The following PLIN3 variants were observed in gnomAD, a reference collection of about 807,000 sequenced individuals.
The protein encoded by PLIN3 is perilipin-3.
Under a neutral mutation model 35.9 loss-of-function variants are expected in PLIN3, and 30 were observed. That is an observed-to-expected ratio of 0.84 (90% CI 0.62 to 1.13). The LOEUF is 1.13. Ranked by LOEUF, PLIN3 falls within the 50% of genes most tolerant of loss-of-function variation. The pLI is 0.00. For synonymous variants in PLIN3, 261 were observed against 262.5 expected (o/e 0.99, Z 0.06); for missense variants, 603 against 596.9 (o/e 1.01, Z -0.11).
rs1362848042 is a variant in PLIN3, at chr19:4,865,884, T to G, written c.-18+1725A>C. Among the ~76,000 whole-genome samples, 3 of 140,160 alleles carry G rather than the reference T, an allele frequency of 2.1e-5. No homozygotes were observed. In the South Asian group the frequency reaches 7.0e-4, roughly 33 times the overall value. The allele number at this position is 140,160 out of a possible 152,430, so 92.0% of individuals were successfully genotyped here. ...GACCACAGGCGCCCGCCACCACGCC[T>G]GGCTAATTGTTTGTATTTTTAGTAG... On this transcript the variant is annotated intron_variant, in intron 1 of 7. Coordinates refer to ENST00000221957, the MANE Select transcript of PLIN3 (RefSeq NM_005817.5).
chr19:4,860,868 G>A (rs2030652151), intron 2 of PLIN3, among the ~76,000 whole-genome samples: 1 of 152,162 alleles, frequency 6.6e-6, no homozygotes, highest in Admixed American at 6.6e-5. Flanking sequence ...CTACTTGGGA[G>A]GCTGAGGCAG....
chr19:4,852,391 G>A (rs1241218478), intron 4 of PLIN3, 90 bp from the exon 5 acceptor site: 35 of 1,464,792 alleles, frequency 2.4e-5, no homozygotes, highest in African/African-American at 1.5e-4. Context: ...AGACCGAGGC[G>A]GGGAGCGCCA....
intron 1 of PLIN3, chr19:4,866,488 G>C (rs952254723): frequency 6.6e-6 from 1 of 152,190 alleles, no homozygotes; most frequent in Non-Finnish European, 1.5e-5. Context: ...GCTCAGATCC[G>C]TGCCCGGCAC....
At chr19:4,852,324 C>T in intron 4 of PLIN3, 23 bp from the exon 5 acceptor site, 1 of 1,593,896 alleles carries the variant, frequency 6.3e-7, no homozygotes, top group South Asian at 1.1e-5. Flanking sequence ...ACAGCATCAG[C>T]ATCTCTGCCT....
In PLIN3 at chr19:4,859,573, A is replaced by G; in HGVS notation, c.348+17T>C. Reference sequence around the variant, plus strand: ...GGTCCCTGTCTCGACAGAGCCCCTGAGGACGGACATCGTTACCTTCTCCGT... The same window carrying G: ...GGTCCCTGTCTCGACAGAGCCCCTGGGGACGGACATCGTTACCTTCTCCGT... On this transcript the variant is annotated intron_variant, in intron 4 of 7. Coordinates refer to ENST00000221957, the MANE Select transcript of PLIN3 (RefSeq NM_005817.5). 6.2e-7 allele frequency: 1 copy of G among 1,610,180 alleles called. No homozygotes were observed. Among genetic ancestry groups the G allele is most frequent in the Non-Finnish European group, 8.5e-7 (1 of 1,176,474 alleles).
Position 4,839,518 on chromosome 19 carries a change from G to T in PLIN3, c.979C>A (p.Leu327Ile). The stretch of plus-strand genomic sequence containing the variant: ...TGGGCAATGTCCCGGAACATGGTGA[G>T]CGCCCGGGACTCGACCTGCTGAGAA... The part of the protein sequence containing the change: ...PKPEQVESRA[L>I]TMFRDIAQQL... Residue 327 changes from leucine to isoleucine, a missense_variant, in exon 8 of 8, where the codon CTC becomes ATC. By Grantham distance (5) the Leu-to-Ile change is conservative. Transcript: ENST00000221957. The T allele has an allele frequency of 6.5e-7, 1 of 1,531,514 alleles. No individual in the cohort carries two copies. The highest frequency in any genetic ancestry group is 8.8e-7 in the Non-Finnish European group (1 of 1,135,192). 94.9% of individuals were successfully genotyped at this position (1,531,514 alleles called of 1,614,324 possible). A position where few individuals can be genotyped will look rare whatever the true frequency, so the allele number is the denominator to read the frequency against.
chr19:4,852,514 G>A (rs542821453), intron 4 of PLIN3, among the ~76,000 whole-genome samples: 66 of 152,302 alleles, frequency 4.3e-4, no homozygotes, highest in African/African-American at 1.5e-3. Flanking sequence ...AGGTGACCCT[G>A]AGTCTGGAGT....
intron 1 of PLIN3, among the ~76,000 whole-genome samples, chr19:4,861,649 T>C (rs1364564595): frequency 6.6e-6 from 1 of 152,040 alleles, no homozygotes; most frequent in African/African-American, 2.4e-5. Context: ...TTTCTTTATT[T>C]TCTTTGGAGA....
At chr19:4,842,160 G>C (rs1255020042) in intron 7 of PLIN3, among the ~76,000 whole-genome samples, 2 of 151,544 alleles carry the variant, frequency 1.3e-5, no homozygotes, top group African/African-American at 4.9e-5. Context: ...GGCGCAGTGG[G>C]TCAGGCCTGT....
In PLIN3 at chr19:4,839,089, G is replaced by C. The variant is rs558251955; in HGVS notation, c.*103C>G. The C allele has an allele frequency of 7.0e-4, 651 of 931,550 alleles. 2 individuals are homozygous for C. The highest frequency in any genetic ancestry group is 1.1e-3 in the South Asian group (68 of 61,692). The allele number at this position is 931,550 out of a possible 1,614,324, so 57.7% of individuals were successfully genotyped here. ...CCAAGTGGACAGCACAGAAGAGCTG[G>C]GAGGAGTGGCTAGAAAATAAGTTTG... On this transcript the variant is annotated 3_prime_UTR_variant, in exon 8 of 8. Coordinates refer to ENST00000221957, the MANE Select transcript of PLIN3 (RefSeq NM_005817.5).
intron 7 of PLIN3, among the ~76,000 whole-genome samples, chr19:4,844,033 G>A (rs916086910): frequency 1.3e-5 from 2 of 152,162 alleles, no homozygotes; most frequent in Admixed American, 6.6e-5. Context: ...GCAGTGGTGC[G>A]ATCTCGGCTC....
chr19:4,839,658 T>A, intron 7 of PLIN3, 122 bp from the exon 8 acceptor site: 2 of 663,700 alleles, frequency 3.0e-6, no homozygotes, highest in Non-Finnish European at 4.5e-6. Flanking sequence ...ACGCTTTCCA[T>A]AGGCGAAACT....
chr19:4,854,221 C>G lies in PLIN3; in HGVS notation c.349-1920G>C, dbSNP rs540639484. The stretch of plus-strand genomic sequence containing the variant: ...GTGCTGGGATGACCGACATGAGCCA[C>G]TGTGTCCAGCTGAAGCTAAGTCTTT... On this transcript the variant is annotated intron_variant, in intron 4 of 7. Transcript: ENST00000221957. Among the ~76,000 whole-genome samples, 18 of 152,244 alleles carry G rather than the reference C, an allele frequency of 1.2e-4. No homozygotes were observed. In the South Asian group the frequency reaches 3.7e-3, roughly 32 times the overall value.
chr19:4,849,804 C>T (rs2030227010), intron 5 of PLIN3, among the ~76,000 whole-genome samples: 1 of 151,848 alleles, frequency 6.6e-6, no homozygotes, highest in African/African-American at 2.4e-5. Flanking sequence ...AGGAATGTGC[C>T]ACCATGCTTG....
intron 2 of PLIN3, among the ~76,000 whole-genome samples, chr19:4,860,952 C>T (rs1052200688): frequency 1.3e-5 from 2 of 152,122 alleles, no homozygotes; most frequent in African/African-American, 4.8e-5. Context: ...GGCTGGGCGA[C>T]ACAGCAAGGT....
At chr19:4,851,106 T>C (rs2030274881) in intron 5 of PLIN3, among the ~76,000 whole-genome samples, 1 of 151,996 alleles carries the variant, frequency 6.6e-6, no homozygotes, top group African/African-American at 2.4e-5. Context: ...GGAGGCTGCA[T>C]TGAGCTATGA....
In PLIN3 at chr19:4,859,644, C is replaced by T; in HGVS notation, c.294G>A (p.Arg98=). The T allele has an allele frequency of 6.2e-7, 1 of 1,614,168 alleles. No individual in the cohort carries two copies. The highest frequency in any genetic ancestry group is 1.3e-5 in the African/African-American group (1 of 75,052). Residue 98 remains arginine, a synonymous_variant, in exon 4 of 8, where the codon AGG becomes AGA. Transcript: ENST00000221957. ...QIASASEYAH[R]GLDKLEENLP... ...GGTTCTCCTCCAACTTGTCCAGCCCCCTGTGGGCGTATTCGCTGGCTGATG... is the reference window on the plus strand; with the variant it reads ...GGTTCTCCTCCAACTTGTCCAGCCCTCTGTGGGCGTATTCGCTGGCTGATG...
chr19:4,865,762 C>T (rs1215263380), intron 1 of PLIN3, among the ~76,000 whole-genome samples: 1 of 142,390 alleles, frequency 7.0e-6, no homozygotes, highest in Middle Eastern at 3.9e-3. Flanking sequence ...CTCGCCCTGT[C>T]GCCCACGCTG....
At chr19:4,858,974 T>C (rs943975895) in intron 4 of PLIN3, among the ~76,000 whole-genome samples, 2 of 151,834 alleles carry the variant, frequency 1.3e-5, no homozygotes, top group Non-Finnish European at 2.9e-5. Context: ...AGTGCTGGGA[T>C]TACAGGCATG....
Sources: gnomAD v4.1 joint callset for allele counts (sites outside exome capture counted in the v4.1 genomes callset) on GRCh38, gnomAD v4.1.1 for gene constraint, MANE v1.5 for transcripts, NCBI Gene and HGNC (gene_info 2026-07-23, HGNC 2026-07-21) for gene names.